Variants in B3GALT1 observed in about 807,000 individuals in gnomAD.
B3GALT1 encodes the protein beta-1,3-galactosyltransferase 1, also known as UDP-Gal:betaGlcNAc beta 1,3-galactosyltransferase, polypeptide 1.
A neutral mutation model predicts 23.2 loss-of-function variants in B3GALT1; 10 were observed. The ratio of observed to expected loss-of-function variants is 0.43; its 90% confidence interval spans 0.27 to 0.73. B3GALT1 has a LOEUF of 0.73. Ranked by LOEUF, B3GALT1 falls within the 30% of genes least tolerant of loss-of-function variation. The probability of loss-of-function intolerance (pLI) is 0.21; values close to 1 mark genes in which losing one functional copy is unlikely to be tolerated. For synonymous variants in B3GALT1, 156 were observed against 141.5 expected, an observed-to-expected ratio of 1.10 and a Z score of -0.73; for missense variants, 299 against 405.4, an observed-to-expected ratio of 0.74 and a Z score of 2.25.
intron 1 of B3GALT1, among the ~76,000 whole-genome samples, chr2:167,341,684 G>A (rs986844219): frequency 6.6e-6 from 1 of 151,976 alleles, no homozygotes; most frequent in Non-Finnish European, 1.5e-5. Flanking sequence ...AAAGATTACT[G>A]CTCAGCCTTT....
intron 3 of B3GALT1, among the ~76,000 whole-genome samples, chr2:167,771,943 G>C (rs539513663): frequency 1.3e-5 from 2 of 152,200 alleles, no homozygotes; most frequent in Non-Finnish European, 2.9e-5. Context: ...CAGACTGGGG[G>C]AGAATGGTTC....
intron 2 of B3GALT1, among the ~76,000 whole-genome samples, chr2:167,572,298 AT>A (rs1684308456): frequency 6.6e-6 from 1 of 151,838 alleles, no homozygotes. Context: ...GTTCAGGAAT[AT>A]TTCTAAATAA....
intron 4 of B3GALT1, among the ~76,000 whole-genome samples, chr2:167,837,210 C>T (rs1010795517): frequency 1.4e-4 from 21 of 152,230 alleles, no homozygotes; most frequent in African/African-American, 4.8e-4. Flanking sequence ...ACTAAATGCT[C>T]CAATTAAAAG....
chr2:167,797,078 C>A (rs1574266963), intron 3 of B3GALT1, among the ~76,000 whole-genome samples: 1 of 152,094 alleles, frequency 6.6e-6, no homozygotes, highest in African/African-American at 2.4e-5. Context: ...AACCCATCAC[C>A]TAGGTATTAA....
rs552293129 is a variant in B3GALT1, at chr2:167,820,724, T to C, written c.-230+1931T>C. 2.8e-4 allele frequency among the ~76,000 whole-genome samples: 43 copies of C among 152,334 alleles called. 1 individual carries two copies. Among genetic ancestry groups the C allele is most frequent in the African/African-American group, 1.0e-3 (42 of 41,566 alleles). The stretch of plus-strand genomic sequence containing the variant: ...GCAGCGTAACTGAGACTATCCTGAC[T>C]ATTATTATTAGGGGCTTTAAGACAA... On this transcript the variant is annotated intron_variant, in intron 4 of 4. Coordinates refer to ENST00000392690, the MANE Select transcript of B3GALT1 (RefSeq NM_020981.4).
At chr2:167,791,889 GA>G (rs10572191) in intron 3 of B3GALT1, among the ~76,000 whole-genome samples, 12,178 of 139,490 alleles carry the variant, frequency 0.087, 628 homozygotes, top group Middle Eastern at 0.23. Flanking sequence ...CCTGCTCCTA[GA>G]AAAAAAAAAA....
chr2:167,333,297 T>G (rs953050545), intron 1 of B3GALT1, among the ~76,000 whole-genome samples: 7 of 152,230 alleles, frequency 4.6e-5, no homozygotes, highest in African/African-American at 1.7e-4. Flanking sequence ...CTCCCTAGTT[T>G]ACTTCATGGA....
At chr2:167,500,836 G>A (rs548610336) in intron 2 of B3GALT1, among the ~76,000 whole-genome samples, 3 of 152,154 alleles carry the variant, frequency 2.0e-5, no homozygotes, top group Non-Finnish European at 2.9e-5. Flanking sequence ...ATGATTAATG[G>A]GAAGAAGTTG....
At chr2:167,544,888 A>G (rs572450482) in intron 2 of B3GALT1, among the ~76,000 whole-genome samples, 3 of 152,124 alleles carry the variant, frequency 2.0e-5, no homozygotes, top group Non-Finnish European at 4.4e-5. Context: ...CGAGTGTTAC[A>G]GCTCGATTAG....
chr2:167,560,402 A>T (rs969469665), intron 2 of B3GALT1, among the ~76,000 whole-genome samples: 2 of 152,106 alleles, frequency 1.3e-5, no homozygotes, highest in Non-Finnish European at 2.9e-5. Context: ...ATCAACTAAC[A>T]AGCAAAATAA....
At chr2:167,710,095 C>T (rs899928247) in intron 3 of B3GALT1, among the ~76,000 whole-genome samples, 1 of 152,024 alleles carries the variant, frequency 6.6e-6, no homozygotes, top group Non-Finnish European at 1.5e-5. Flanking sequence ...GTTTATTTAC[C>T]CCTAAAGAGA....
chr2:167,415,759 G>A lies in B3GALT1; in HGVS notation c.-510-74418G>A, dbSNP rs532388780. On this transcript the variant is annotated intron_variant, in intron 1 of 4. Transcript: ENST00000392690. Reference sequence around the variant, plus strand: ...GATAGAACTGAGGAACAAGGTATTGGAAACTGGAGAAAAGTCCATCCTTGT... The same window carrying A: ...GATAGAACTGAGGAACAAGGTATTGAAAACTGGAGAAAAGTCCATCCTTGT... Among the ~76,000 whole-genome samples the A allele has an allele frequency of 3.9e-5, 6 of 152,288 alleles. No individual in the cohort carries two copies. The South Asian group carries it at 1.2e-3, about 32-fold the overall frequency.
At chr2:167,448,510 C>T (rs535195760) in intron 1 of B3GALT1, among the ~76,000 whole-genome samples, 17 of 152,006 alleles carry the variant, frequency 1.1e-4, no homozygotes, top group Admixed American at 1.1e-3. Flanking sequence ...ATTCTGGATA[C>T]CCGTCCTTTG....
At chr2:167,693,863 C>G (rs1471039387) in intron 3 of B3GALT1, among the ~76,000 whole-genome samples, 1 of 152,078 alleles carries the variant, frequency 6.6e-6, no homozygotes, top group Non-Finnish European at 1.5e-5. Flanking sequence ...ATAGACCACC[C>G]CATAACACAG....
At chr2:167,474,450 G>A (rs941006104) in intron 1 of B3GALT1, among the ~76,000 whole-genome samples, 4 of 152,050 alleles carry the variant, frequency 2.6e-5, no homozygotes, top group Admixed American at 6.6e-5. Context: ...CCTGTGAAAC[G>A]GGTTGTATTG....
chr2:167,785,548 C>T (rs1304590805), intron 3 of B3GALT1, among the ~76,000 whole-genome samples: 1 of 152,160 alleles, frequency 6.6e-6, no homozygotes, highest in Non-Finnish European at 1.5e-5. Flanking sequence ...TTCTGAGATT[C>T]AAATGAACAG....
intron 3 of B3GALT1, among the ~76,000 whole-genome samples, chr2:167,672,165 A>C (rs925196105): frequency 1.2e-4 from 19 of 152,144 alleles, no homozygotes; most frequent in Admixed American, 7.2e-4. Context: ...GAAAGTTTCC[A>C]GCTTCCCTTT....
chr2:167,566,693 CA>C (rs932840889), intron 2 of B3GALT1, among the ~76,000 whole-genome samples: 4 of 152,074 alleles, frequency 2.6e-5, no homozygotes, highest in African/African-American at 7.3e-5. Flanking sequence ...CCAGGTCATC[CA>C]GGCTGAAAGC....
chr2:167,772,030 T>C (rs1688080439), intron 3 of B3GALT1, among the ~76,000 whole-genome samples: 3 of 152,200 alleles, frequency 2.0e-5, no homozygotes, highest in Admixed American at 2.0e-4. Flanking sequence ...AAACTTTTAC[T>C]GAACTAAGAG....
Sources: allele counts gnomAD v4.1 joint callset (sites outside exome capture counted in the v4.1 genomes callset), GRCh38; gene constraint gnomAD v4.1.1; transcripts MANE v1.5; gene names NCBI Gene and HGNC (gene_info 2026-07-23, HGNC 2026-07-21).